SSBP2: variants seen among roughly 807,000 people sequenced by gnomAD.
SSBP2 encodes the protein single-stranded DNA-binding protein 2.
In SSBP2, 17 loss-of-function variants were observed where a neutral mutation model predicts 61.8. That is an observed-to-expected ratio of 0.28 (90% CI 0.19 to 0.41). SSBP2 has a LOEUF of 0.41. Among genes scored for constraint, SSBP2 ranks in the 10% least tolerant of loss-of-function variants. The probability of loss-of-function intolerance (pLI) is 1.00; values close to 1 mark genes in which losing one functional copy is unlikely to be tolerated. For synonymous variants in SSBP2, 139 were observed against 141.3 expected (o/e 0.98, Z 0.12); for missense variants, 310 against 458.7 (o/e 0.68, Z 2.96).
intron 14 of SSBP2, among the ~76,000 whole-genome samples, chr5:81,439,995 G>C (rs1411978900): frequency 6.6e-6 from 1 of 152,040 alleles, no homozygotes; most frequent in Non-Finnish European, 1.5e-5. Context: ...TCAACCATCA[G>C]TCACTTGAAA....
chr5:81,628,059 AAAG>A (rs1581202917), intron 3 of SSBP2, among the ~76,000 whole-genome samples: 3 of 152,144 alleles, frequency 2.0e-5, no homozygotes, highest in East Asian at 3.9e-4. Context: ...TGTCTCAAAA[AAAG>A]AAAAAAAAAA....
At chr5:81,644,849 G>A (rs1749120303) in intron 2 of SSBP2, among the ~76,000 whole-genome samples, 1 of 152,130 alleles carries the variant, frequency 6.6e-6, no homozygotes, top group African/African-American at 2.4e-5. Flanking sequence ...TACAATATTA[G>A]GGATTAGAGC....
intron 2 of SSBP2, among the ~76,000 whole-genome samples, chr5:81,639,382 A>AGTAT (rs1381543505): frequency 5.3e-5 from 8 of 152,234 alleles, no homozygotes; most frequent in African/African-American, 1.9e-4. Context: ...GTATTCATAC[A>AGTAT]GTGCCTTTTC....
chr5:81,501,713 C>A (rs1373649444), intron 5 of SSBP2, among the ~76,000 whole-genome samples: 3 of 151,822 alleles, frequency 2.0e-5, no homozygotes, highest in Admixed American at 6.6e-5. Flanking sequence ...CAGGCGCCCA[C>A]CACCACGCCC....
At chr5:81,620,367 G>C (rs1746456200) in intron 3 of SSBP2, among the ~76,000 whole-genome samples, 1 of 145,746 alleles carries the variant, frequency 6.9e-6, no homozygotes, top group Admixed American at 6.9e-5. Context: ...GCTTCAAAGA[G>C]AATAAAATAC....
intron 8 of SSBP2, among the ~76,000 whole-genome samples, chr5:81,472,925 A>G (rs1365322728): frequency 6.6e-6 from 1 of 152,200 alleles, no homozygotes; most frequent in African/African-American, 2.4e-5. Flanking sequence ...TAACTTAACC[A>G]TCTCCTCAGC....
rs1284757094 is a variant in SSBP2, at chr5:81,416,166, A to C, written c.*4338T>G. ...GGGAGGCGGAGACGGCAGTGAGCCA[A>C]GATTGTGCCACTGCACTCCAGCCTG... is the stretch of plus-strand genomic sequence containing the variant. On this transcript the variant is annotated 3_prime_UTR_variant, in exon 17 of 17. Transcript: ENST00000320672. 2.0e-5 allele frequency: 3 copies of C among 151,588 alleles called. No homozygotes were observed. The highest frequency in any genetic ancestry group is 7.3e-5 in the African/African-American group (3 of 41,134). 9.4% of individuals were successfully genotyped at this position (151,588 alleles called of 1,614,324 possible).
chr5:81,745,639 T>C (rs756647553), intron 1 of SSBP2, among the ~76,000 whole-genome samples: 16 of 152,068 alleles, frequency 1.1e-4, no homozygotes, highest in Non-Finnish European at 1.2e-4. Context: ...CACACAATAA[T>C]AGAGAATAAC....
intron 2 of SSBP2, among the ~76,000 whole-genome samples, chr5:81,638,852 C>T (rs895783969): frequency 6.6e-6 from 1 of 152,150 alleles, no homozygotes; most frequent in East Asian, 1.9e-4. Context: ...AAAAATGAAT[C>T]ATTTAAACAG....
chr5:81,722,659 T>A (rs963004551), intron 1 of SSBP2, among the ~76,000 whole-genome samples: 6 of 152,028 alleles, frequency 3.9e-5, no homozygotes, highest in African/African-American at 1.4e-4. Context: ...TCTAAGCCTT[T>A]GTTTCCTCAT....
intron 4 of SSBP2, among the ~76,000 whole-genome samples, chr5:81,530,665 A>T (rs2154104719): frequency 6.6e-6 from 1 of 152,222 alleles, no homozygotes; most frequent in South Asian, 2.1e-4. Context: ...AACTATTCAG[A>T]ATAGTATAGT....
chr5:81,700,091 C>G (rs149450283), intron 1 of SSBP2, among the ~76,000 whole-genome samples: 4 of 152,220 alleles, frequency 2.6e-5, no homozygotes, highest in Non-Finnish European at 5.9e-5. Context: ...AAGTAATCCT[C>G]CTACCTTGGC....
intron 8 of SSBP2, among the ~76,000 whole-genome samples, chr5:81,469,655 T>TTC (rs1765120577): frequency 6.6e-6 from 1 of 151,970 alleles, no homozygotes; most frequent in Admixed American, 6.6e-5. Context: ...TGGCACACAG[T>TTC]AGGCCTTCCA....
chr5:81,493,113 T>C (rs1766983462), intron 5 of SSBP2, among the ~76,000 whole-genome samples: 1 of 151,712 alleles, frequency 6.6e-6, no homozygotes, highest in South Asian at 2.1e-4. Context: ...TTGTGTCAGA[T>C]TAAAGGTCAA....
chr5:81,668,109 A>G lies in SSBP2; in HGVS notation c.63-17770T>C, dbSNP rs558853618. ...ATTAGCACTGCTTCGTGCTGGGAGG[A>G]CACAGTGGGTATCAATACTTAACTA... On this transcript the variant is annotated intron_variant, in intron 1 of 16. Transcript: ENST00000320672. Among the ~76,000 whole-genome samples, 4 of 152,216 alleles carry G rather than the reference A, an allele frequency of 2.6e-5. No individual in the cohort carries two copies. The East Asian group carries it at 7.7e-4, about 29-fold the overall frequency.
chr5:81,735,457 T>C, intron 1 of SSBP2, among the ~76,000 whole-genome samples: 1 of 152,246 alleles, frequency 6.6e-6, no homozygotes. Context: ...AGCATTTGCA[T>C]ATAACCTATG....
intron 5 of SSBP2, among the ~76,000 whole-genome samples, chr5:81,493,304 T>TA (rs1767025473): frequency 1.5e-5 from 2 of 131,684 alleles, no homozygotes; most frequent in Non-Finnish European, 3.4e-5. Flanking sequence ...ATAGATAGAT[T>TA]AACAGGGTCT....
chr5:81,507,959 G>C (rs1348237835), intron 5 of SSBP2, among the ~76,000 whole-genome samples: 1 of 152,046 alleles, frequency 6.6e-6, no homozygotes, highest in African/African-American at 2.4e-5. Context: ...AAATCCACTT[G>C]GTCTAAGGAA....
chr5:81,449,860 A>G (rs1467038036), intron 10 of SSBP2, among the ~76,000 whole-genome samples: 1 of 152,220 alleles, frequency 6.6e-6, no homozygotes, highest in East Asian at 1.9e-4. Context: ...GTAATTCAGC[A>G]CTGCAGATGG....
Sources: allele counts gnomAD v4.1 joint callset (sites outside exome capture counted in the v4.1 genomes callset), GRCh38; gene constraint gnomAD v4.1.1; transcripts MANE v1.5; gene names NCBI Gene and HGNC (gene_info 2026-07-23, HGNC 2026-07-21).